HDAC9: variants seen among roughly 807,000 people sequenced by gnomAD.
The protein encoded by HDAC9 is MEF-2 interacting transcription repressor (MITR) protein.
In HDAC9, 41 loss-of-function variants were observed where a neutral mutation model predicts 139.4. The observed-to-expected ratio is 0.29, with a 90% CI of 0.23 to 0.38. The LOEUF is 0.38. Among genes scored for constraint, HDAC9 ranks in the 10% least tolerant of loss-of-function variants. The pLI is 1.00. For missense variants in HDAC9, 1,147 were observed against 1,297.0 expected (o/e 0.88, Z 1.78); for synonymous variants, 517 against 476.2 (o/e 1.09, Z -1.12).
At chr7:18,494,009 A>ATT (rs1796562210), upstream of HDAC9, among the ~76,000 whole-genome samples, 1 of 152,036 alleles carries the variant, frequency 6.6e-6, no homozygotes, top group Admixed American at 6.6e-5. Flanking sequence ...CTTAAGGAAA[A>ATT]TTATTAGGTC....
At chr7:18,622,784 A>G (rs1325459387) in intron 6 of HDAC9, among the ~76,000 whole-genome samples, 3 of 152,014 alleles carry the variant, frequency 2.0e-5, no homozygotes, top group Non-Finnish European at 4.4e-5. Context: ...TACATACCAC[A>G]CAATGTGGTA....
At chr7:18,669,891 G>C (rs1647839003) in intron 12 of HDAC9, among the ~76,000 whole-genome samples, 1 of 151,798 alleles carries the variant, frequency 6.6e-6, no homozygotes, top group Admixed American at 6.6e-5. Context: ...TTGATGAAGT[G>C]TAGACTGCTA....
intron 1 of HDAC9, among the ~76,000 whole-genome samples, chr7:18,397,206 G>T (rs1247016934): frequency 6.6e-6 from 1 of 152,096 alleles, no homozygotes; most frequent in Non-Finnish European, 1.5e-5. Context: ...GGGGGCAGAA[G>T]GGAGTGGTCC....
intron 22 of HDAC9, among the ~76,000 whole-genome samples, chr7:18,924,630 T>C (rs113821284): frequency 7.9e-5 from 12 of 152,256 alleles, no homozygotes; most frequent in African/African-American, 2.9e-4. Flanking sequence ...ATTTAACAAA[T>C]CTGTGTAATT....
Position 18,648,689 on chromosome 7 carries a change from C to T in HDAC9, c.1467+6C>T. ...AGCAGATCCACATGAACAAAGTAAG[C>T]CTCCAAGCCAAGTCAAAATGTTCTA... On this transcript the variant is annotated splice_donor_region_variant and intron_variant, in intron 11 of 25. Transcript: ENST00000686413. The T allele has an allele frequency of 6.2e-7, 1 of 1,605,750 alleles. No homozygotes were observed. Among genetic ancestry groups the T allele is most frequent in the Non-Finnish European group, 8.5e-7 (1 of 1,175,352 alleles).
At position 18,168,895 on chromosome 7, in the gene HDAC9, T is replaced by TGTG. The variant is rs1344936412; in HGVS notation, c.25+6546_25+6547insGTG. Among the ~76,000 whole-genome samples the TGTG allele has an allele frequency of 7.6e-3, 892 of 117,634 alleles. 3 individuals carry two copies. The highest frequency in any genetic ancestry group is 0.051 in the East Asian group (205 of 4,022). 77.2% of individuals were successfully genotyped at this position (117,634 alleles called of 152,430 possible). A position where few individuals can be genotyped will look rare whatever the true frequency, so the allele number is the denominator to read the frequency against. ...AAATGTCTTGTTTTTTTTTTTTTTT[T>TGTG]TTTGTGTGTGTGTGTGTGTGTGTGT... On this transcript the variant is annotated intron_variant, in intron 2 of 12. Coordinates refer to the HDAC9 transcript ENST00000417496.
chr7:18,655,827 C>CG (rs960058251), intron 11 of HDAC9, among the ~76,000 whole-genome samples: 1 of 151,916 alleles, frequency 6.6e-6, no homozygotes, highest in African/African-American at 2.4e-5. Flanking sequence ...GGTAAGAAAA[C>CG]GGGGGGAAGA....
chr7:18,402,542 G>A (rs1787641199), intron 1 of HDAC9, among the ~76,000 whole-genome samples: 1 of 152,196 alleles, frequency 6.6e-6, no homozygotes, highest in Non-Finnish European at 1.5e-5. Context: ...ACAGGGACCA[G>A]TTCATGGAGG....
chr7:18,593,917 C>T lies in HDAC9; in HGVS notation c.552C>T (p.His184=). 1 of 1,612,766 alleles carries T rather than the reference C, an allele frequency of 6.2e-7. No homozygotes were observed. The highest frequency in any genetic ancestry group is 8.5e-7 in the Non-Finnish European group (1 of 1,178,984). The change falls in exon 6 of 26, where the codon CAC becomes CAT. Residue 184 remains histidine (H), a synonymous_variant. Transcript: ENST00000686413. The stretch of plus-strand genomic sequence containing the variant: ...TCCTTGTCTTTTCTAGGGCTGCCCA[C>T]CACACATCATTGGATCAAAGCTCTC... ...RHPKLWYTAA[H]HTSLDQSSPP...
At chr7:18,298,215 T>C (rs1175245976) in intron 1 of HDAC9, among the ~76,000 whole-genome samples, 1 of 152,162 alleles carries the variant, frequency 6.6e-6, no homozygotes, top group Non-Finnish European at 1.5e-5. Flanking sequence ...ACAAGTACTT[T>C]TCTGATCCAT....
chr7:18,467,289 C>G (rs1156244608), intron 1 of HDAC9, among the ~76,000 whole-genome samples: 1 of 152,162 alleles, frequency 6.6e-6, no homozygotes, highest in East Asian at 1.9e-4. Context: ...CCCTCATACC[C>G]TACCTCTATC....
intron 6 of HDAC9, among the ~76,000 whole-genome samples, chr7:18,625,933 C>G (rs1317626644): frequency 9.2e-6 from 1 of 108,836 alleles, no homozygotes; most frequent in East Asian, 2.5e-4. Context: ...GGCAACAGAG[C>G]GAGACTCCAT....
At chr7:18,510,828 A>C (rs949619750) in intron 2 of HDAC9, among the ~76,000 whole-genome samples, 6 of 152,184 alleles carry the variant, frequency 3.9e-5, no homozygotes, top group Non-Finnish European at 7.4e-5. Context: ...GAATGAGAAA[A>C]TTATCTTTAT....
intron 6 of HDAC9, among the ~76,000 whole-genome samples, chr7:18,608,139 A>G (rs559491520): frequency 1.3e-5 from 2 of 152,330 alleles, no homozygotes; most frequent in African/African-American, 2.4e-5. Context: ...ATGCATTTAT[A>G]TGTCTTTAGA....
intron 21 of HDAC9, among the ~76,000 whole-genome samples, chr7:18,873,457 C>G (rs1799083591): frequency 6.6e-6 from 1 of 152,012 alleles, no homozygotes; most frequent in Non-Finnish European, 1.5e-5. Flanking sequence ...GCAACAACTT[C>G]TTGTTTATGA....
chr7:18,830,085 A>T (rs988121372), intron 19 of HDAC9, among the ~76,000 whole-genome samples: 2 of 152,168 alleles, frequency 1.3e-5, no homozygotes, highest in Non-Finnish European at 2.9e-5. Flanking sequence ...GAGGCACTAG[A>T]TTAGTCTTGT....
At position 18,874,511 on chromosome 7, in the gene HDAC9, T is replaced by C. The variant is rs541187784; in HGVS notation, c.2718T>C (p.Asp906=). ...TGAAGCCTGTGGCCAAAGAGTTTGA[T>C]CCAGACATGGTCTTAGTATCTGCTG... ...TIVKPVAKEF[D]PDMVLVSAGF... The change falls in exon 22 of 26, where the codon GAT becomes GAC. Residue 906 remains aspartate, a synonymous_variant. Coordinates refer to ENST00000686413, the MANE Select transcript of HDAC9 (RefSeq NM_178425.4). 10 of 1,592,746 alleles carry C rather than the reference T, an allele frequency of 6.3e-6. No homozygotes were observed. Among genetic ancestry groups the C allele is most frequent in the Middle Eastern group, 1.7e-4 (1 of 6,018 alleles).
At chr7:18,347,982 CT>C (rs1486296630) in intron 1 of HDAC9, among the ~76,000 whole-genome samples, 1 of 152,142 alleles carries the variant, frequency 6.6e-6, no homozygotes, top group East Asian at 1.9e-4. Context: ...TAGATTCTTG[CT>C]TTTAATTTTA....
chr7:18,954,997 T>C (rs1171125859), intron 24 of HDAC9, among the ~76,000 whole-genome samples: 1 of 152,118 alleles, frequency 6.6e-6, no homozygotes, highest in Non-Finnish European at 1.5e-5. Flanking sequence ...TTTGATACTG[T>C]GAATATTTAC....
Sources: allele counts gnomAD v4.1 joint callset (sites outside exome capture counted in the v4.1 genomes callset), GRCh38; gene constraint gnomAD v4.1.1; transcripts MANE v1.5; gene names NCBI Gene and HGNC (gene_info 2026-07-23, HGNC 2026-07-21).